The following ATP10B variants were observed in gnomAD, a reference collection of about 807,000 sequenced individuals.
ATP10B encodes ATPase phospholipid transporting 10B (putative).
In ATP10B, 122 loss-of-function variants were observed where a neutral mutation model predicts 141.2. That is an observed-to-expected ratio of 0.86 (90% confidence interval 0.75 to 1.00). ATP10B has a LOEUF of 1.00. Among genes scored for constraint, ATP10B ranks in the 50% least tolerant of loss-of-function variants. The probability of loss-of-function intolerance (pLI) is 0.00; values close to 1 mark genes in which losing one functional copy is unlikely to be tolerated. For synonymous variants in ATP10B, 685 were observed against 692.0 expected, an observed-to-expected ratio of 0.99 and a Z score of 0.16; for missense variants, 1,876 against 1,825.3, an observed-to-expected ratio of 1.03 and a Z score of -0.51.
chr5:160,887,256 T>A, the ATP10B span, among the ~76,000 whole-genome samples: 1 of 152,190 alleles, frequency 6.6e-6, no homozygotes, highest in Non-Finnish European at 1.5e-5. Context: ...CCAATGTATA[T>A]CCTGCTATAT....
chr5:160,699,490 T>G lies in ATP10B; in HGVS notation c.-204-10547A>C, dbSNP rs538019122. Among the ~76,000 whole-genome samples the G allele has an allele frequency of 6.6e-5, 10 of 152,330 alleles. 1 individual carries two copies. The East Asian group carries it at 1.9e-3, about 29-fold the overall frequency. ...GTTCACTTCAAACATATCCATGGTC[T>G]GTGAGTTACATACCAATTAGTACAC... On this transcript the variant is annotated intron_variant, in intron 3 of 25. Coordinates refer to ENST00000327245, the MANE Select transcript of ATP10B (RefSeq NM_025153.3).
chr5:160,796,423 C>T (rs1037682930), intron 1 of ATP10B, among the ~76,000 whole-genome samples: 1 of 152,206 alleles, frequency 6.6e-6, no homozygotes, highest in Non-Finnish European at 1.5e-5. Flanking sequence ...CTGACAGTAA[C>T]TGGTTGTGTG....
chr5:160,928,006 A>G, the ATP10B span, among the ~76,000 whole-genome samples: 5 of 126,264 alleles, frequency 4.0e-5, no homozygotes, highest in African/African-American at 1.5e-4. Flanking sequence ...CAAGGTCCTG[A>G]GAAGGAAACA....
the ATP10B span, among the ~76,000 whole-genome samples, chr5:160,890,395 G>A: frequency 1.3e-5 from 2 of 152,052 alleles, no homozygotes; most frequent in Non-Finnish European, 2.9e-5. Context: ...TCTAGTTTTA[G>A]CATTTTTATC....
At chr5:160,654,175 GGATGGTCTCAAACTCCTGAGCTTAAGC>G (rs1237511233) in intron 7 of ATP10B, among the ~76,000 whole-genome samples, 1 of 151,316 alleles carries the variant, frequency 6.6e-6, no homozygotes, top group Non-Finnish European at 1.5e-5. Flanking sequence ...CTGTTGCCTA[GGATGGTCTCAAACTCCTGAGCTTAAGC>G]GAGCCTCCTG....
At chr5:160,583,420 G>C (rs562465886) in intron 24 of ATP10B, among the ~76,000 whole-genome samples, 1 of 152,050 alleles carries the variant, frequency 6.6e-6, no homozygotes, top group Admixed American at 6.5e-5. Context: ...AGCAAAGATT[G>C]CTGCCTGTTC....
At chr5:160,900,269 C>T in the ATP10B span, among the ~76,000 whole-genome samples, 54 of 152,208 alleles carry the variant, frequency 3.5e-4, no homozygotes, top group Non-Finnish European at 7.1e-4. Flanking sequence ...TTTTCTTTCT[C>T]TTTTATTCTT....
At position 160,617,875 on chromosome 5, in the gene ATP10B, T is replaced by C. The variant is rs373665289; in HGVS notation, c.2515A>G (p.Ile839Val). 5.0e-6 allele frequency: 8 copies of C among 1,613,902 alleles called. No homozygotes were observed. The highest frequency in any genetic ancestry group is 1.6e-4 in the Middle Eastern group (1 of 6,084). ...GGAATTGTTCTTACCTTCTTGGCAA[T>C]GCATAGTGTGCGCAGGCCATCTCTT... Reference protein sequence around the residue: ...YARDGLRTLCIAKKVVSEEDF... With the variant: ...YARDGLRTLCVAKKVVSEEDF... The change falls in exon 16 of 26, where the codon ATT (isoleucine) becomes GTT (valine). Residue 839 changes from isoleucine (I) to valine (V), a missense_variant. Ile to Val is a conservative substitution (Grantham distance 29). Transcript: ENST00000327245.
At chr5:160,890,884 T>C in the ATP10B span, among the ~76,000 whole-genome samples, 2 of 152,178 alleles carry the variant, frequency 1.3e-5, no homozygotes, top group Non-Finnish European at 2.9e-5. Flanking sequence ...AATTGTTTTT[T>C]ATGTTTTGTA....
intron 2 of ATP10B, among the ~76,000 whole-genome samples, chr5:160,766,064 C>T (rs369278260): frequency 4.9e-4 from 74 of 151,950 alleles, no homozygotes; most frequent in Non-Finnish European, 7.8e-4. Flanking sequence ...TAGATGTTGG[C>T]GTGGATGTGG....
intron 1 of ATP10B, among the ~76,000 whole-genome samples, chr5:160,837,379 T>C (rs952223086): frequency 1.3e-5 from 2 of 152,166 alleles, no homozygotes; most frequent in African/African-American, 4.8e-5. Flanking sequence ...GTACCTGGCA[T>C]AGTGCCATGC....
rs768807094 is a variant in ATP10B, at chr5:160,589,610, T to A, written c.3732A>T (p.Ala1244=). The change falls in exon 24 of 26, where the codon GCA becomes GCT. Residue 1244 remains alanine, a synonymous_variant. Transcript: ENST00000327245. ...ISLTTILLHQ[A]MEMKTWTIFH... ...CACTTACCCATGTCTTCATTTCCAT[T>A]GCCTGGTGCAAAAGGATTGTGGTGA... 4.3e-6 allele frequency: 7 copies of A among 1,613,962 alleles called. No individual in the cohort carries two copies. The South Asian group carries it at 7.7e-5, about 18-fold the overall frequency.
At position 160,673,707 on chromosome 5, in the gene ATP10B, A is replaced by G. The variant is rs149073777; in HGVS notation, c.471-3040T>C. 1.4e-4 allele frequency among the ~76,000 whole-genome samples: 20 copies of G among 142,560 alleles called. 1 individual carries two copies. The highest frequency in any genetic ancestry group is 4.8e-4 in the African/African-American group (19 of 39,242). The allele number at this position is 142,560 out of a possible 152,430, so 93.5% of individuals were successfully genotyped here. A position where few individuals can be genotyped will look rare whatever the true frequency, so the allele number is the denominator to read the frequency against. ...GTTTATTTATATATTTAGGGTGGGA[A>G]CTCCTTCACTAAGAGTGCCATTGTA... is the stretch of plus-strand genomic sequence containing the variant. On this transcript the variant is annotated intron_variant, in intron 6 of 25. Coordinates refer to ENST00000327245, the MANE Select transcript of ATP10B (RefSeq NM_025153.3).
chr5:160,928,311 C>G, the ATP10B span, among the ~76,000 whole-genome samples: 14 of 152,172 alleles, frequency 9.2e-5, no homozygotes, highest in African/African-American at 3.4e-4. Context: ...TCCAACCCCA[C>G]AAGAGCGGGC....
At chr5:160,649,829 A>G (rs749283570) in intron 7 of ATP10B, among the ~76,000 whole-genome samples, 18 of 152,094 alleles carry the variant, frequency 1.2e-4, no homozygotes, top group Admixed American at 3.9e-4. Flanking sequence ...AAATATATAT[A>G]TCCATTAGCC....
chr5:160,608,828 T>C, intron 18 of ATP10B, among the ~76,000 whole-genome samples: 1 of 152,222 alleles, frequency 6.6e-6, no homozygotes, highest in Middle Eastern at 3.2e-3. Context: ...ATTCTGGATA[T>C]TAGCCCTTTG....
intron 7 of ATP10B, among the ~76,000 whole-genome samples, chr5:160,661,574 T>C (rs913703964): frequency 2.0e-5 from 3 of 152,160 alleles, no homozygotes; most frequent in Non-Finnish European, 4.4e-5. Flanking sequence ...ATAAGACTGG[T>C]TATAAACTGA....
chr5:160,592,199 T>G (rs1686117004), intron 22 of ATP10B, among the ~76,000 whole-genome samples: 1 of 152,186 alleles, frequency 6.6e-6, no homozygotes, highest in African/African-American at 2.4e-5. Flanking sequence ...AATTTTGAGT[T>G]CTAAGTTTTG....
chr5:160,844,997 A>G (rs1287292516), intron 1 of ATP10B, among the ~76,000 whole-genome samples: 1 of 150,948 alleles, frequency 6.6e-6, no homozygotes, highest in East Asian at 1.9e-4. Context: ...GAATATTGGA[A>G]TCAGATCGGA....
Sources: gnomAD v4.1 joint callset for allele counts (sites outside exome capture counted in the v4.1 genomes callset) on GRCh38, gnomAD v4.1.1 for gene constraint, MANE v1.5 for transcripts, NCBI Gene and HGNC (gene_info 2026-07-23, HGNC 2026-07-21) for gene names.